KANSL1L: variants seen among roughly 807,000 people sequenced by gnomAD.
KANSL1L encodes KAT8 regulatory NSL complex subunit 1 like, also known as KAT8 regulatory NSL complex subunit 1-like protein.
KANSL1L carries 25 observed loss-of-function variants against 108.6 expected under a neutral mutation model. The observed-to-expected ratio is 0.23, with a 90% confidence interval of 0.17 to 0.32. The LOEUF (loss-of-function observed/expected upper bound fraction) is 0.32, where lower values mean the gene tolerates loss of function less well. KANSL1L is among the 10% of genes least tolerant of loss of function. The pLI is 1.00. For missense variants in KANSL1L, 1,137 were observed against 1,125.7 expected, an observed-to-expected ratio of 1.01 and a Z score of -0.14; for synonymous variants, 405 against 395.1, an observed-to-expected ratio of 1.03 and a Z score of -0.30.
chr2:210,096,497 T>C, intron 5 of KANSL1L: 2 of 985,070 alleles, frequency 2.0e-6, no homozygotes, highest in Non-Finnish European at 2.4e-6. Flanking sequence ...TATATTAAAA[T>C]GAAAATTCAC....
chr2:210,065,662 G>A (rs945564542), intron 6 of KANSL1L, among the ~76,000 whole-genome samples: 3 of 149,350 alleles, frequency 2.0e-5, no homozygotes, highest in Non-Finnish European at 4.4e-5. Context: ...CTCGGCTCAC[G>A]GCAACCTCCG....
At chr2:210,137,894 G>C (rs545610023) in intron 2 of KANSL1L, among the ~76,000 whole-genome samples, 22 of 152,074 alleles carry the variant, frequency 1.4e-4, no homozygotes, top group African/African-American at 1.9e-4. Context: ...AGCCAGGCAT[G>C]GTGGTGCATA....
chr2:210,033,967 A>G (rs1355703567), intron 8 of KANSL1L, among the ~76,000 whole-genome samples: 1 of 152,140 alleles, frequency 6.6e-6, no homozygotes, highest in Non-Finnish European at 1.5e-5. Context: ...AATTCTACAC[A>G]TCCTCTTCAC....
At chr2:210,101,515 T>C (rs1231020321) in intron 4 of KANSL1L, among the ~76,000 whole-genome samples, 1 of 152,176 alleles carries the variant, frequency 6.6e-6, no homozygotes, top group Non-Finnish European at 1.5e-5. Context: ...TAGATTTGAC[T>C]GTGTAAGCAA....
chr2:210,150,333 A>T (rs1402802576), intron 2 of KANSL1L, among the ~76,000 whole-genome samples: 2 of 151,852 alleles, frequency 1.3e-5, no homozygotes, highest in Admixed American at 6.6e-5. Flanking sequence ...GTTATTTAGT[A>T]AAAAAAAATT....
At chr2:210,023,255 A>C in intron 14 of KANSL1L, 76 bp from the exon 15 acceptor site, 1 of 961,754 alleles carries the variant, frequency 1.0e-6, no homozygotes. Context: ...TAATCTGTAC[A>C]TGTCTATATT....
At chr2:210,097,196 C>A (rs1047139896) in intron 5 of KANSL1L, 3 of 925,096 alleles carry the variant, frequency 3.2e-6, no homozygotes, top group Non-Finnish European at 3.9e-6. Context: ...CTGCCCACCT[C>A]AGCTTTTTAT....
chr2:210,058,697 C>A (rs1051219227), intron 6 of KANSL1L, among the ~76,000 whole-genome samples: 1 of 152,056 alleles, frequency 6.6e-6, no homozygotes, highest in South Asian at 2.1e-4. Flanking sequence ...ATTAGCCGGG[C>A]GTGGTGGCGG....
intron 1 of KANSL1L, among the ~76,000 whole-genome samples, chr2:210,157,724 A>G (rs930751206): frequency 2.1e-5 from 3 of 144,158 alleles, no homozygotes; most frequent in Admixed American, 1.4e-4. Flanking sequence ...AAAAAAAGAT[A>G]CACATGGCTG....
chr2:210,104,323 A>G, intron 3 of KANSL1L, 22 bp from the exon 4 acceptor site: 1 of 1,586,064 alleles, frequency 6.3e-7, no homozygotes, highest in Non-Finnish European at 8.6e-7. Context: ...ACAATGAGAA[A>G]GTTGAAATGA....
chr2:210,068,946 C>G (rs1374238670), intron 6 of KANSL1L, among the ~76,000 whole-genome samples: 1 of 152,104 alleles, frequency 6.6e-6, no homozygotes, highest in East Asian at 1.9e-4. Flanking sequence ...GGGTAATCCC[C>G]AGAGCAAGCT....
chr2:210,042,769 C>G (rs913080610), intron 7 of KANSL1L, among the ~76,000 whole-genome samples: 5 of 152,032 alleles, frequency 3.3e-5, no homozygotes, highest in Non-Finnish European at 5.9e-5. Flanking sequence ...AAGGTTTCCT[C>G]AAATATAGAA....
chr2:210,054,484 T>C (rs1190520409), intron 6 of KANSL1L, among the ~76,000 whole-genome samples: 1 of 152,122 alleles, frequency 6.6e-6, no homozygotes, highest in East Asian at 1.9e-4. Flanking sequence ...TTCAATTCTA[T>C]TGAGGGCAAT....
chr2:210,059,125 G>A (rs1023902673), intron 6 of KANSL1L, among the ~76,000 whole-genome samples: 26 of 144,482 alleles, frequency 1.8e-4, no homozygotes, highest in African/African-American at 6.0e-4. Flanking sequence ...GTGACAGAGC[G>A]AGACTCCGTC....
At chr2:210,065,283 T>C (rs1376381060) in intron 6 of KANSL1L, among the ~76,000 whole-genome samples, 1 of 74,462 alleles carries the variant, frequency 1.3e-5, no homozygotes, top group Non-Finnish European at 2.3e-5. Flanking sequence ...AGAGCACGAC[T>C]CTGTCTCAAA....
rs1297858514 is a variant in KANSL1L, at chr2:210,044,410, G to A, written c.1756-306C>T. On this transcript the variant is annotated intron_variant, in intron 6 of 14. Transcript: ENST00000281772. This position sits in a 1 kb window ranked among gnomAD's most constrained non-coding sequence, Gnocchi z 4.2. ...AACATACTAGCTGGGAATGATAACT[G>A]TAATTTTTTTCCTTCAATCCTACTA... Among the ~76,000 whole-genome samples, 2 of 145,810 alleles carry A rather than the reference G, an allele frequency of 1.4e-5. No homozygotes were observed. Among genetic ancestry groups the A allele is most frequent in the Non-Finnish European group, 2.9e-5 (2 of 67,838 alleles).
rs546837409 is a variant in KANSL1L at position 210,033,317 on chromosome 2, G to A, written c.2030-1771C>T. Among the ~76,000 whole-genome samples the A allele has an allele frequency of 3.3e-5, 5 of 152,270 alleles. No homozygotes were observed. In the South Asian group the frequency reaches 8.3e-4, roughly 25 times the overall value. ...ACAGCATGGCAGGAGTAATCTAAAC[G>A]TACTAAAATGGTAACTAGAATTGTG... On this transcript the variant is annotated intron_variant, in intron 8 of 14. Coordinates refer to ENST00000281772, the MANE Select transcript of KANSL1L (RefSeq NM_152519.4).
At chr2:210,131,212 T>C (rs1032851695) in intron 2 of KANSL1L, among the ~76,000 whole-genome samples, 3 of 152,180 alleles carry the variant, frequency 2.0e-5, no homozygotes, top group Admixed American at 6.5e-5. Context: ...TGTGAAACCA[T>C]TGAGATTAGG....
chr2:210,064,752 T>G (rs1185090079), intron 6 of KANSL1L, among the ~76,000 whole-genome samples: 1 of 139,890 alleles, frequency 7.1e-6, no homozygotes, highest in Non-Finnish European at 1.5e-5. Flanking sequence ...GAGGCTGCAG[T>G]GAGCTATGAT....
Sources: gnomAD v4.1 joint callset for allele counts (sites outside exome capture counted in the v4.1 genomes callset) on GRCh38, gnomAD v4.1.1 for gene constraint, Gnocchi (gnomAD v3.1) non-coding constraint, MANE v1.5 for transcripts, NCBI Gene and HGNC (gene_info 2026-07-23, HGNC 2026-07-21) for gene names.